The following MN1 variants were observed in gnomAD, a reference collection of about 807,000 sequenced individuals.
MN1 encodes MN1 proto-oncogene, transcriptional regulator, also known as transcriptional activator MN1.
A neutral mutation model predicts 86.9 loss-of-function variants in MN1; 19 were observed. The ratio of observed to expected loss-of-function variants is 0.22; its 90% CI spans 0.15 to 0.32. MN1 has a LOEUF of 0.32. MN1 is among the 10% of genes least tolerant of loss of function. The pLI, the probability that MN1 is intolerant of heterozygous loss-of-function variation, is 1.00. For missense variants in MN1, 1,841 were observed against 1,862.0 expected, an observed-to-expected ratio of 0.99 and a Z score of 0.21; for synonymous variants, 928 against 849.6, an observed-to-expected ratio of 1.09 and a Z score of -1.60.
At chr22:27,780,765 T>A (rs1446333889) in intron 1 of MN1, among the ~76,000 whole-genome samples, 1 of 152,112 alleles carries the variant, frequency 6.6e-6, no homozygotes, top group Non-Finnish European at 1.5e-5. Flanking sequence ...TTCTGGCCCC[T>A]CCCCTAGAAT....
At chr22:27,778,090 ATGCGCTCT>A (rs2146305349) in intron 1 of MN1, among the ~76,000 whole-genome samples, 1 of 152,256 alleles carries the variant, frequency 6.6e-6, no homozygotes, top group Non-Finnish European at 1.5e-5. Flanking sequence ...GGTGTGATTA[ATGCGCTCT>A]TAAATATTAT....
In MN1 at chr22:27,799,727, C is replaced by G; in HGVS notation, c.817G>C (p.Ala273Pro). The change falls in exon 1 of 2, where the codon GCC (alanine) becomes CCC (proline). Residue 273 changes from alanine to proline, a missense_variant. Coordinates refer to ENST00000302326, the MANE Select transcript of MN1 (RefSeq NM_002430.3). The stretch of plus-strand genomic sequence containing the variant: ...CCCGCAGCTCTGGGCATGGCCGAGG[C>G]GCCCGGGAAAGCGCCCCCAGGAACC... ...RQVPGGAFPG[A>P]SAMPRAAGMV... The G allele has an allele frequency of 6.3e-7, 1 of 1,575,800 alleles. No homozygotes were observed. Among genetic ancestry groups the G allele is most frequent in the Non-Finnish European group, 8.6e-7 (1 of 1,161,334 alleles).
intron 1 of MN1, among the ~76,000 whole-genome samples, chr22:27,784,506 T>C (rs371995896): frequency 1.1e-4 from 17 of 152,066 alleles, no homozygotes; most frequent in African/African-American, 3.6e-4. Flanking sequence ...TTTGCAGGCT[T>C]AAAAACAGAT....
At chr22:27,795,203 G>A (rs1933273203) in intron 1 of MN1, among the ~76,000 whole-genome samples, 2 of 152,144 alleles carry the variant, frequency 1.3e-5, no homozygotes, top group Admixed American at 6.5e-5. Flanking sequence ...ATGAGAGAGT[G>A]CGTCCCGGGC....
At position 27,800,798 on chromosome 22, in the gene MN1, T is replaced by C; in HGVS notation, c.-255A>G. ...GGCCGCGGGGCCTCTAGGAGCCGTGTTGGGGGGCCCATGCCCCGGGCGGTT... is the reference window on the plus strand; with the variant it reads ...GGCCGCGGGGCCTCTAGGAGCCGTGCTGGGGGGCCCATGCCCCGGGCGGTT... On this transcript the variant is annotated 5_prime_UTR_variant, in exon 1 of 2. Coordinates refer to ENST00000302326, the MANE Select transcript of MN1 (RefSeq NM_002430.3). The C allele has an allele frequency of 1.8e-6, 1 of 562,414 alleles. No homozygotes were observed. Among genetic ancestry groups the C allele is most frequent in the African/African-American group, 1.9e-5 (1 of 52,224 alleles). 34.8% of individuals were successfully genotyped at this position (562,414 alleles called of 1,614,324 possible).
chr22:27,776,058 A>C (rs1038661202), intron 1 of MN1, among the ~76,000 whole-genome samples: 25 of 152,114 alleles, frequency 1.6e-4, no homozygotes, highest in Admixed American at 7.2e-4. Context: ...CAGTTCACCC[A>C]AAAAAAATTT....
intron 1 of MN1, among the ~76,000 whole-genome samples, chr22:27,762,178 C>T (rs1437044353): frequency 2.0e-5 from 3 of 152,222 alleles, no homozygotes; most frequent in African/African-American, 7.2e-5. Flanking sequence ...GACCTGTATG[C>T]TGCTAAGATG....
rs117679774 is a variant in MN1, at chr22:27,748,879, A to G, written c.*2036T>C. 47 of 227,412 alleles carry G rather than the reference A, an allele frequency of 2.1e-4. 1 individual carries two copies. The East Asian group carries it at 2.9e-3, about 14-fold the overall frequency. The allele number at this position is 227,412 out of a possible 1,614,324, so 14.1% of individuals were successfully genotyped here. On this transcript the variant is annotated 3_prime_UTR_variant, in exon 2 of 2. Coordinates refer to ENST00000302326, the MANE Select transcript of MN1 (RefSeq NM_002430.3). ...TAAGGAGAAATCATTCCTGTTTCAA[A>G]AGTAAAATGATGAGGCTCTCAAACA... is the stretch of plus-strand genomic sequence containing the variant.
In MN1 at chr22:27,750,709, A is replaced by T. The variant is rs951564851; in HGVS notation, c.*206T>A. 1.6e-5 allele frequency: 7 copies of T among 424,394 alleles called. No individual in the cohort carries two copies. The highest frequency in any genetic ancestry group is 7.6e-5 in the South Asian group (1 of 13,194). 26.3% of individuals were successfully genotyped at this position (424,394 alleles called of 1,614,324 possible). The stretch of plus-strand genomic sequence containing the variant: ...GGCAGACAAGTTTCTTTTTTAAAAA[A>T]ACTTTTGAGGTTCCCCCCCTTTAAA... On this transcript the variant is annotated 3_prime_UTR_variant, in exon 2 of 2. Transcript: ENST00000302326.
chr22:27,752,000 T>C (rs900631906), intron 1 of MN1, among the ~76,000 whole-genome samples: 1 of 152,140 alleles, frequency 6.6e-6, no homozygotes, highest in South Asian at 2.1e-4. Flanking sequence ...GAGGAGCCCT[T>C]CGGGACACCT....
intron 1 of MN1, among the ~76,000 whole-genome samples, chr22:27,795,458 A>G (rs1001485615): frequency 1.3e-5 from 2 of 151,884 alleles, no homozygotes; most frequent in Non-Finnish European, 2.9e-5. Flanking sequence ...TGTGGGGAGG[A>G]TGAGGGAAAC....
rs892182597 is a variant in MN1 at position 27,798,290 on chromosome 22, C to T, written c.2254G>A (p.Gly752Ser). Reference sequence around the variant, plus strand: ...CCGCTGTGCGGCGTGGACTGCCGGCCGGCTGCACCAAACGGAAAGCCCGGC... The same window carrying T: ...CCGCTGTGCGGCGTGGACTGCCGGCTGGCTGCACCAAACGGAAAGCCCGGC... ...GQPGFPFGAA[G>S]RQSTPHSGPG... The change falls in exon 1 of 2, where the codon GGC becomes AGC. Residue 752 changes from glycine to serine, a missense_variant. Coordinates refer to ENST00000302326, the MANE Select transcript of MN1 (RefSeq NM_002430.3). The T allele has an allele frequency of 3.9e-6, 6 of 1,525,664 alleles. No individual in the cohort carries two copies. In the African/African-American group the frequency reaches 4.2e-5, roughly 11 times the overall value. 94.5% of individuals were successfully genotyped at this position (1,525,664 alleles called of 1,614,324 possible). A position where few individuals can be genotyped will look rare whatever the true frequency, so the allele number is the denominator to read the frequency against.
At chr22:27,771,990 CAT>C (rs769539058) in intron 1 of MN1, among the ~76,000 whole-genome samples, 2 of 152,290 alleles carry the variant, frequency 1.3e-5, no homozygotes, top group African/African-American at 2.4e-5. Context: ...GGACCCGACA[CAT>C]GTCAGGCCAC....
chr22:27,769,883 T>C, intron 1 of MN1, among the ~76,000 whole-genome samples: 1 of 151,986 alleles, frequency 6.6e-6, no homozygotes, highest in East Asian at 1.9e-4. Context: ...AATCATCTGC[T>C]ATGTGGCCAG....
Position 27,800,639 on chromosome 22 carries a change from G to A in MN1, c.-96C>T, listed in dbSNP as rs1272041955. 9 of 1,562,582 alleles carry A rather than the reference G, an allele frequency of 5.8e-6. No homozygotes were observed. In the Admixed American group the frequency reaches 1.2e-4, roughly 22 times the overall value. On this transcript the variant is annotated 5_prime_UTR_variant, in exon 1 of 2. Transcript: ENST00000302326. ...TACTCGTTCCAGCCCAGGATTGGGC[G>A]CTCCGGGACGCTCAGCACCGCGGGG...
intron 1 of MN1, among the ~76,000 whole-genome samples, chr22:27,759,514 C>T (rs1487631999): frequency 6.8e-6 from 1 of 146,352 alleles, no homozygotes; most frequent in Non-Finnish European, 1.5e-5. Flanking sequence ...GTTGTCCCAA[C>T]TCTGAGCTTG....
chr22:27,755,831 G>T (rs1932798547), intron 1 of MN1, among the ~76,000 whole-genome samples: 1 of 152,192 alleles, frequency 6.6e-6, no homozygotes, highest in Non-Finnish European at 1.5e-5. Context: ...GCCAAAAAAA[G>T]CAATTGCGTG....
intron 1 of MN1, among the ~76,000 whole-genome samples, chr22:27,777,317 G>A (rs1932990544): frequency 6.6e-6 from 1 of 152,120 alleles, no homozygotes; most frequent in African/African-American, 2.4e-5. Context: ...AGGATCGTTT[G>A]AGACCAGGAG....
intron 1 of MN1, among the ~76,000 whole-genome samples, chr22:27,773,086 C>T (rs1332020881): frequency 1.3e-5 from 2 of 151,752 alleles, no homozygotes; most frequent in East Asian, 2.0e-4. Flanking sequence ...AAGCCCAGGC[C>T]GCCCCTCCCC....
Sources: allele counts gnomAD v4.1 joint callset (sites outside exome capture counted in the v4.1 genomes callset), GRCh38; gene constraint gnomAD v4.1.1; transcripts MANE v1.5; gene names NCBI Gene and HGNC (gene_info 2026-07-23, HGNC 2026-07-21).